Variants in ARMC10 observed in about 807,000 individuals in gnomAD.
ARMC10 encodes the protein armadillo repeat containing 10, also known as armadillo repeat-containing protein 10.
A neutral mutation model predicts 30.2 loss-of-function variants in ARMC10; 23 were observed. The observed-to-expected ratio is 0.76, with a 90% CI of 0.55 to 1.08. The LOEUF is 1.08. Among genes scored for constraint, ARMC10 ranks in the 50% least tolerant of loss-of-function variants. The probability of loss-of-function intolerance (pLI) is 0.00; values close to 1 mark genes in which losing one functional copy is unlikely to be tolerated. For synonymous variants in ARMC10, 111 were observed against 164.4 expected, an observed-to-expected ratio of 0.68 and a Z score of 2.48; for missense variants, 303 against 413.7, an observed-to-expected ratio of 0.73 and a Z score of 2.32.
At chr7:103,091,164 C>T (rs1231109783) in intron 4 of ARMC10, among the ~76,000 whole-genome samples, 1 of 152,090 alleles carries the variant, frequency 6.6e-6, no homozygotes, top group Non-Finnish European at 1.5e-5. Flanking sequence ...CATGGTGGTG[C>T]ACACCTGTAA....
At chr7:103,091,918 C>G in intron 4 of ARMC10, among the ~76,000 whole-genome samples, 1 of 152,148 alleles carries the variant, frequency 6.6e-6, no homozygotes, top group East Asian at 1.9e-4. Flanking sequence ...AGTACAACAC[C>G]CAACTCATTA....
At chr7:103,081,216 G>A (rs1800349351) in intron 2 of ARMC10, among the ~76,000 whole-genome samples, 1 of 152,246 alleles carries the variant, frequency 6.6e-6, no homozygotes, top group South Asian at 2.1e-4. Flanking sequence ...TGACCCCATA[G>A]CCTTGGCTTA....
At chr7:103,077,273 T>C (rs1380770811) in intron 2 of ARMC10, among the ~76,000 whole-genome samples, 2 of 142,036 alleles carry the variant, frequency 1.4e-5, no homozygotes, top group Non-Finnish European at 3.1e-5. Flanking sequence ...CTCTCACTTT[T>C]GCCACTAGGT....
At chr7:103,083,940 G>A in intron 3 of ARMC10, 110 bp downstream of exon 3, 1 of 1,485,362 alleles carries the variant, frequency 6.7e-7, no homozygotes. Flanking sequence ...CCTCATCTGT[G>A]CAATGTGGCT....
At chr7:103,079,007 TTAAAAAA>T (rs1265088313) in intron 2 of ARMC10, among the ~76,000 whole-genome samples, 13 of 152,136 alleles carry the variant, frequency 8.5e-5, no homozygotes, top group Admixed American at 5.9e-4. Context: ...AGACTCTGTC[TTAAAAAA>T]TAAAAAATAA....
chr7:103,085,301 G>A (rs930564382), intron 3 of ARMC10, among the ~76,000 whole-genome samples: 2 of 151,396 alleles, frequency 1.3e-5, no homozygotes, highest in South Asian at 2.1e-4. Flanking sequence ...CAAGTCCTTC[G>A]AAAGAACTTG....
At chr7:103,083,250 A>C (rs1221080406) in intron 2 of ARMC10, 2 of 422,370 alleles carry the variant, frequency 4.7e-6, no homozygotes, top group Admixed American at 2.6e-5. Flanking sequence ...TACTACAAGT[A>C]TCTTCTTCCT....
chr7:103,098,657 C>A lies in ARMC10; in HGVS notation c.*104C>A. ...GCTGCTAAATTTAAACAGTAAATATCACATTTTGTCATTAACACAGCTATA... is the reference window on the plus strand; with the variant it reads ...GCTGCTAAATTTAAACAGTAAATATAACATTTTGTCATTAACACAGCTATA... On this transcript the variant is annotated 3_prime_UTR_variant, in exon 7 of 7. Coordinates refer to ENST00000323716, the MANE Select transcript of ARMC10 (RefSeq NM_031905.5). 5 of 1,485,628 alleles carry A rather than the reference C, an allele frequency of 3.4e-6. No homozygotes were observed. In the South Asian group the frequency reaches 5.9e-5, roughly 18 times the overall value. 92.0% of individuals were successfully genotyped at this position (1,485,628 alleles called of 1,614,324 possible).
At position 103,082,669 on chromosome 7, in the gene ARMC10, G is replaced by T. The variant is rs139241534; in HGVS notation, c.245-1013G>T. On this transcript the variant is annotated intron_variant, in intron 2 of 6. Transcript: ENST00000323716. Reference sequence around the variant, plus strand: ...GTTTTAAGAAAAAACACAGATTTGAGATCATGTAACACCTATTGTTGTGTA... The same window carrying T: ...GTTTTAAGAAAAAACACAGATTTGATATCATGTAACACCTATTGTTGTGTA... Among the ~76,000 whole-genome samples, 38 of 152,180 alleles carry T rather than the reference G, an allele frequency of 2.5e-4. No homozygotes were observed. In the East Asian group the frequency reaches 7.0e-3, roughly 28 times the overall value.
intron 2 of ARMC10, among the ~76,000 whole-genome samples, chr7:103,077,352 A>G (rs1438759657): frequency 1.3e-5 from 2 of 150,958 alleles, no homozygotes; most frequent in Admixed American, 6.6e-5. Context: ...TCTGTTGCTT[A>G]TAATAGAATA....
intron 5 of ARMC10, among the ~76,000 whole-genome samples, chr7:103,093,874 A>G (rs564432477): frequency 1.5e-3 from 228 of 152,230 alleles, no homozygotes; most frequent in Non-Finnish European, 2.6e-3. Flanking sequence ...ACTTTTTAAA[A>G]GATGACCCAG....
intron 3 of ARMC10, among the ~76,000 whole-genome samples, chr7:103,084,897 G>A (rs1469148824): frequency 6.6e-6 from 1 of 152,202 alleles, no homozygotes; most frequent in East Asian, 1.9e-4. Flanking sequence ...TTCTGGATCA[G>A]TCGAGGGACC....
chr7:103,091,150 C>T (rs1042862065), intron 4 of ARMC10, among the ~76,000 whole-genome samples: 4 of 151,990 alleles, frequency 2.6e-5, no homozygotes, highest in Non-Finnish European at 4.4e-5. Flanking sequence ...ATGGCCAGGC[C>T]GGACATGGTG....
Position 103,086,651 on chromosome 7 carries a change from G to C in ARMC10, c.415G>C (p.Gly139Arg). 2 of 1,585,830 alleles carry C rather than the reference G, an allele frequency of 1.3e-6. No homozygotes were observed. The highest frequency in any genetic ancestry group is 1.7e-6 in the Non-Finnish European group (2 of 1,173,112). ...GTAGGCTATTATTCGTGAATTGGGTGGTATTCCAATTGTTGCAAACAAAAT... is the reference window on the plus strand; with the variant it reads ...GTAGGCTATTATTCGTGAATTGGGTCGTATTCCAATTGTTGCAAACAAAAT... ...VNQAIIRELG[G>R]IPIVANKINH... The change falls in exon 4 of 7, where the codon GGT becomes CGT. Residue 139 changes from glycine to arginine, a missense_variant. Physicochemically the swap from Gly to Arg is moderately radical, Grantham distance 125. Around this residue, in one of 4 missense-constraint regions of ARMC10, gnomAD observed 170 missense variants for 207.2 expected, o/e 0.82. Transcript: ENST00000323716.
chr7:103,093,125 G>A (rs1203821095), intron 5 of ARMC10, among the ~76,000 whole-genome samples: 1 of 152,202 alleles, frequency 6.6e-6, no homozygotes, highest in African/African-American at 2.4e-5. Flanking sequence ...ATATTGAGCT[G>A]AATTAAGTAG....
At chr7:103,077,714 T>G (rs998636136) in intron 2 of ARMC10, among the ~76,000 whole-genome samples, 6 of 152,192 alleles carry the variant, frequency 3.9e-5, no homozygotes, top group Non-Finnish European at 7.3e-5. Flanking sequence ...AAGCCTAATT[T>G]GTTGTCTTTG....
At chr7:103,080,484 A>C (rs1166115773) in intron 2 of ARMC10, among the ~76,000 whole-genome samples, 1 of 151,928 alleles carries the variant, frequency 6.6e-6, no homozygotes, top group African/African-American at 2.4e-5. Context: ...CGAACTCCTG[A>C]CCTCAGCTTA....
rs759258791 is a variant in ARMC10 at position 103,091,491 on chromosome 7, TATATA to T, written c.529-985_529-981del. Among the ~76,000 whole-genome samples, 599 of 143,728 alleles carry T rather than the reference TATATA, an allele frequency of 4.2e-3. 7 individuals carry two copies. The highest frequency in any genetic ancestry group is 6.4e-3 in the Non-Finnish European group (432 of 67,474). 94.3% of individuals were successfully genotyped at this position (143,728 alleles called of 152,430 possible). A position where few individuals can be genotyped will look rare whatever the true frequency, so the allele number is the denominator to read the frequency against. ...AACAATATTATGAAGGGGTGAATTA[TATATA>T]TATATATATATATATACACACCTAG... On this transcript the variant is annotated intron_variant, in intron 4 of 6. Transcript: ENST00000323716.
At chr7:103,085,531 G>C (rs1443627567) in intron 3 of ARMC10, among the ~76,000 whole-genome samples, 4 of 151,560 alleles carry the variant, frequency 2.6e-5, no homozygotes, top group African/African-American at 9.7e-5. Flanking sequence ...AAAGCACATG[G>C]TAACATAGTA....
Sources: allele counts gnomAD v4.1 joint callset (sites outside exome capture counted in the v4.1 genomes callset), GRCh38; gene constraint gnomAD v4.1.1; regional missense constraint gnomAD v4.1.1; transcripts MANE v1.5; gene names NCBI Gene and HGNC (gene_info 2026-07-23, HGNC 2026-07-21).